The following CPNE5 variants were observed in gnomAD, a reference collection of about 807,000 sequenced individuals.
CPNE5 encodes the protein copine 5.
CPNE5 carries 42 observed loss-of-function variants against 81.1 expected under a neutral mutation model. The ratio of observed to expected loss-of-function variants is 0.52; its 90% CI spans 0.40 to 0.67. The LOEUF (loss-of-function observed/expected upper bound fraction) is 0.67. CPNE5 is among the 30% of genes least tolerant of loss of function. The pLI, the probability that CPNE5 is intolerant of heterozygous loss-of-function variation, is 0.00. For missense variants in CPNE5, 612 were observed against 815.5 expected (o/e 0.75, Z 3.04); for synonymous variants, 313 against 321.5 (o/e 0.97, Z 0.28).
chr6:36,781,630 G>A (rs1768043680), intron 8 of CPNE5, among the ~76,000 whole-genome samples: 2 of 152,006 alleles, frequency 1.3e-5, no homozygotes, highest in Admixed American at 1.3e-4. Flanking sequence ...TGCCCCCCTA[G>A]GGAGCCCCAT....
intron 18 of CPNE5, 181 bp from the exon 19 acceptor site, chr6:36,744,506 G>A (rs1763907278): frequency 3.2e-6 from 2 of 615,464 alleles, no homozygotes; most frequent in East Asian, 5.5e-5. Context: ...GAGATAAAGA[G>A]CAAAGGAAAC....
chr6:36,839,198 C>T lies in CPNE5; in HGVS notation c.95+85G>A. On this transcript the variant is annotated intron_variant, in intron 1 of 20. Transcript: ENST00000244751. This position sits in a 1 kb window ranked among gnomAD's most constrained non-coding sequence, Gnocchi z 7.3. ...CAGGACACTCTGGGAAGGGGGCGCG[C>T]GGAGGTTTAGGATCGAAGCGGCAGG... 2.0e-6 allele frequency: 2 copies of T among 980,192 alleles called. No individual in the cohort carries two copies. The highest frequency in any genetic ancestry group is 1.7e-5 in the South Asian group (1 of 58,072). 60.7% of individuals were successfully genotyped at this position (980,192 alleles called of 1,614,324 possible). A position where few individuals can be genotyped will look rare whatever the true frequency, so the allele number is the denominator to read the frequency against.
At chr6:36,823,984 GACAGCCCAGTGGAAA>G (rs1052492811) in intron 1 of CPNE5, among the ~76,000 whole-genome samples, 1 of 152,184 alleles carries the variant, frequency 6.6e-6, no homozygotes, top group African/African-American at 2.4e-5. Context: ...TGGGAAGCAA[GACAGCCCAGTGGAAA>G]CGCAGTCTCT....
At chr6:36,837,129 T>C (rs1248700779) in intron 1 of CPNE5, among the ~76,000 whole-genome samples, 1 of 152,262 alleles carries the variant, frequency 6.6e-6, no homozygotes, top group East Asian at 1.9e-4. Context: ...GTGATCATTG[T>C]AGCTACTTAT....
chr6:36,799,861 C>A (rs1769948917), intron 4 of CPNE5, 106 bp downstream of exon 4: 2 of 795,866 alleles, frequency 2.5e-6, no homozygotes, highest in Non-Finnish European at 2.1e-6. Context: ...CAACCCTGGG[C>A]TCCCACTAAT....
intron 12 of CPNE5, among the ~76,000 whole-genome samples, chr6:36,759,522 A>T (rs1765818481): frequency 6.6e-6 from 1 of 151,840 alleles, no homozygotes; most frequent in African/African-American, 2.4e-5. Context: ...GGGATGCAGC[A>T]GTAAGTGCAA....
At chr6:36,778,816 G>A (rs777897039) in intron 9 of CPNE5, 38 bp downstream of exon 9, 14 of 1,388,152 alleles carry the variant, frequency 1.0e-5, no homozygotes, top group Admixed American at 1.7e-5. Context: ...CAGAAGGGAC[G>A]AGAAGGTGCA....
chr6:36,773,863 A>G (rs192123115), intron 10 of CPNE5, among the ~76,000 whole-genome samples: 1 of 152,244 alleles, frequency 6.6e-6, no homozygotes, highest in Non-Finnish European at 1.5e-5. Flanking sequence ...TTAAAACAAA[A>G]AATCTAGCCT....
At chr6:36,748,134 G>C in intron 15 of CPNE5, 87 bp downstream of exon 15, 1 of 1,203,516 alleles carries the variant, frequency 8.3e-7, no homozygotes, top group Non-Finnish European at 1.2e-6. Context: ...GAGAGTATGA[G>C]GGTCATGGTC....
chr6:36,826,165 T>G (rs1461361665), intron 1 of CPNE5, among the ~76,000 whole-genome samples: 3 of 152,058 alleles, frequency 2.0e-5, no homozygotes, highest in African/African-American at 7.2e-5. Context: ...TGCATGCGCA[T>G]GTGTTATGGG....
At position 36,745,373 on chromosome 6, in the gene CPNE5, G is replaced by A. The variant is rs765612901; in HGVS notation, c.1328+15C>T. ...GGCCTTGTGAGTGCCTGGAGGCGGT[G>A]GCAGCGGCACTCACCTGGCCACGTG... On this transcript the variant is annotated intron_variant, in intron 17 of 20. Coordinates refer to ENST00000244751, the MANE Select transcript of CPNE5 (RefSeq NM_020939.2). The A allele has an allele frequency of 4.4e-6, 7 of 1,600,042 alleles. No homozygotes were observed. Among genetic ancestry groups the A allele is most frequent in the South Asian group, 2.2e-5 (2 of 88,890 alleles).
intron 9 of CPNE5, among the ~76,000 whole-genome samples, chr6:36,778,465 C>T (rs1767743429): frequency 6.6e-6 from 1 of 152,166 alleles, no homozygotes; most frequent in African/African-American, 2.4e-5. Flanking sequence ...GGACAGGGGG[C>T]TGGGCTTGGA....
At chr6:36,824,756 G>A (rs915336249) in intron 1 of CPNE5, among the ~76,000 whole-genome samples, 4 of 152,166 alleles carry the variant, frequency 2.6e-5, no homozygotes, top group African/African-American at 9.7e-5. Flanking sequence ...AGACCAGCCT[G>A]GCCAACATGG....
At chr6:36,825,478 C>T (rs1304165916) in intron 1 of CPNE5, among the ~76,000 whole-genome samples, 2 of 152,174 alleles carry the variant, frequency 1.3e-5, no homozygotes, top group Non-Finnish European at 2.9e-5. Context: ...ACTGGGCCTC[C>T]CTGACCCCAC....
chr6:36,783,067 A>G (rs990213223), intron 8 of CPNE5, among the ~76,000 whole-genome samples: 6 of 152,186 alleles, frequency 3.9e-5, no homozygotes, highest in African/African-American at 1.2e-4. Flanking sequence ...CACACAGAGC[A>G]GGAGGTAACA....
intron 12 of CPNE5, chr6:36,757,289 T>A: frequency 1.0e-6 from 1 of 984,096 alleles, no homozygotes; most frequent in Non-Finnish European, 1.2e-6. Context: ...TCATACCTCC[T>A]GTGCTGCCTG....
At chr6:36,754,992 C>G (rs1315452514) in intron 13 of CPNE5, 1 of 152,204 alleles carries the variant, frequency 6.6e-6, no homozygotes, top group Non-Finnish European at 1.5e-5. Flanking sequence ...AAATATGACT[C>G]CAAGCCCCAG....
chr6:36,780,011 C>T (rs1379642833), intron 8 of CPNE5, among the ~76,000 whole-genome samples: 4 of 150,414 alleles, frequency 2.7e-5, no homozygotes, highest in Non-Finnish European at 4.4e-5. Flanking sequence ...TGTTGCCAGG[C>T]TGGAGTGCAG....
intron 8 of CPNE5, among the ~76,000 whole-genome samples, chr6:36,784,673 G>A (rs1226252425): frequency 1.3e-5 from 2 of 152,186 alleles, no homozygotes; most frequent in East Asian, 1.9e-4. Context: ...CGGGCATGAT[G>A]GTGCACAACT....
Sources: gnomAD v4.1 joint callset for allele counts (sites outside exome capture counted in the v4.1 genomes callset) on GRCh38, gnomAD v4.1.1 for gene constraint, Gnocchi (gnomAD v3.1) non-coding constraint, MANE v1.5 for transcripts, NCBI Gene and HGNC (gene_info 2026-07-23, HGNC 2026-07-21) for gene names.